RSRC1: variants seen among roughly 807,000 people sequenced by gnomAD.
RSRC1 encodes the protein serine/Arginine-related protein 53.
RSRC1 carries 39 observed loss-of-function variants against 49.1 expected under a neutral mutation model. The observed-to-expected ratio is 0.79, with a 90% confidence interval of 0.61 to 1.04. The LOEUF is 1.04. RSRC1 is among the 50% of genes least tolerant of loss of function. RSRC1 has a pLI of 0.00. For synonymous variants in RSRC1, 143 were observed against 130.8 expected, an observed-to-expected ratio of 1.09 and a Z score of -0.63; for missense variants, 388 against 402.4, an observed-to-expected ratio of 0.96 and a Z score of 0.31.
chr3:158,194,054 T>TAC (rs10530687), intron 3 of RSRC1, among the ~76,000 whole-genome samples: 3,298 of 144,042 alleles, frequency 0.023, 48 homozygotes, highest in African/African-American at 0.044. Flanking sequence ...ACCCCGTCTA[T>TAC]ACACACACAC....
intron 7 of RSRC1, among the ~76,000 whole-genome samples, chr3:158,501,366 T>A (rs1220890606): frequency 6.6e-6 from 1 of 152,220 alleles, no homozygotes; most frequent in Admixed American, 6.5e-5. Flanking sequence ...CGTATATATC[T>A]GCTAAGTCCA....
chr3:158,478,053 C>T (rs1267308808), intron 7 of RSRC1, among the ~76,000 whole-genome samples: 1 of 150,660 alleles, frequency 6.6e-6, no homozygotes, highest in Non-Finnish European at 1.5e-5. Flanking sequence ...AGTGAAACCC[C>T]CATCTCTAAA....
intron 5 of RSRC1, among the ~76,000 whole-genome samples, chr3:158,344,179 A>T (rs1730419740): frequency 1.3e-5 from 2 of 152,130 alleles, no homozygotes; most frequent in Admixed American, 6.5e-5. Context: ...GAATTGCTTG[A>T]ACCCAGGAGG....
chr3:158,127,764 T>G (rs1417243155), intron 3 of RSRC1, among the ~76,000 whole-genome samples: 3 of 149,406 alleles, frequency 2.0e-5, no homozygotes, highest in Non-Finnish European at 4.4e-5. Flanking sequence ...TGGTTTTTTT[T>G]TTTTTTTTTT....
chr3:158,481,033 A>C (rs1055294375), intron 7 of RSRC1, among the ~76,000 whole-genome samples: 1 of 152,024 alleles, frequency 6.6e-6, no homozygotes, highest in Non-Finnish European at 1.5e-5. Context: ...TTCAGAAATG[A>C]CCTGCAGAAG....
chr3:158,368,650 T>G (rs1238721840), intron 6 of RSRC1, among the ~76,000 whole-genome samples: 1 of 152,222 alleles, frequency 6.6e-6, no homozygotes, highest in Non-Finnish European at 1.5e-5. Flanking sequence ...ACTTCATTAT[T>G]GAAAGACTGA....
At chr3:158,385,106 C>T (rs1344002749) in intron 6 of RSRC1, among the ~76,000 whole-genome samples, 1 of 152,098 alleles carries the variant, frequency 6.6e-6, no homozygotes, top group East Asian at 1.9e-4. Context: ...ACATAGAACA[C>T]TCCGCTATCA....
intron 6 of RSRC1, among the ~76,000 whole-genome samples, chr3:158,376,554 G>A (rs1732386522): frequency 6.6e-6 from 1 of 151,988 alleles, no homozygotes; most frequent in Non-Finnish European, 1.5e-5. Flanking sequence ...AACTAACTTG[G>A]TCCACTAAGC....
chr3:158,120,048 C>G (rs1050861670), intron 1 of RSRC1, among the ~76,000 whole-genome samples: 7 of 152,058 alleles, frequency 4.6e-5, no homozygotes, highest in Non-Finnish European at 7.4e-5. Context: ...TCAGGCTGGT[C>G]TCGAACTCCT....
intron 3 of RSRC1, among the ~76,000 whole-genome samples, chr3:158,138,292 A>G (rs1322173328): frequency 7.9e-5 from 12 of 152,236 alleles, no homozygotes; most frequent in Admixed American, 6.5e-4. Context: ...TCACTGGTAT[A>G]GATAACCAGA....
intron 5 of RSRC1, among the ~76,000 whole-genome samples, chr3:158,353,048 G>A (rs1730961261): frequency 6.6e-6 from 1 of 152,102 alleles, no homozygotes; most frequent in African/African-American, 2.4e-5. Flanking sequence ...ACATAAAGTA[G>A]TCTTTATTGG....
At chr3:158,435,843 T>G (rs959466888) in intron 6 of RSRC1, among the ~76,000 whole-genome samples, 3 of 151,750 alleles carry the variant, frequency 2.0e-5, no homozygotes. Flanking sequence ...CTAGAAGATG[T>G]GTGTTTTATA....
intron 7 of RSRC1, among the ~76,000 whole-genome samples, chr3:158,468,176 G>A (rs530561215): frequency 6.7e-4 from 102 of 152,164 alleles, no homozygotes; most frequent in African/African-American, 2.3e-3. Flanking sequence ...CTCATGATCC[G>A]CCTGCCTCGG....
chr3:158,204,157 C>G (rs1721224290), intron 4 of RSRC1, among the ~76,000 whole-genome samples: 1 of 152,082 alleles, frequency 6.6e-6, no homozygotes, highest in Non-Finnish European at 1.5e-5. Flanking sequence ...ATCCTGAGAT[C>G]TTGATTCTAT....
intron 5 of RSRC1, among the ~76,000 whole-genome samples, chr3:158,306,134 G>A (rs1034614879): frequency 2.0e-5 from 3 of 151,502 alleles, no homozygotes; most frequent in South Asian, 2.1e-4. Flanking sequence ...ACCTTAATAC[G>A]TGTTCATTGT....
intron 3 of RSRC1, among the ~76,000 whole-genome samples, chr3:158,146,576 A>T (rs963709366): frequency 5.3e-5 from 8 of 152,080 alleles, no homozygotes; most frequent in Non-Finnish European, 8.8e-5. Flanking sequence ...TCAGGGATAT[A>T]GGTCTAAAAT....
At chr3:158,538,730 G>A (rs1455286376) in intron 8 of RSRC1, among the ~76,000 whole-genome samples, 3 of 151,896 alleles carry the variant, frequency 2.0e-5, no homozygotes, top group Admixed American at 6.6e-5. Flanking sequence ...AGGAAGTGGT[G>A]CTAACAGGAG....
At chr3:158,222,092 TAGTA>T (rs149139112) in intron 4 of RSRC1, among the ~76,000 whole-genome samples, 3,264 of 151,620 alleles carry the variant, frequency 0.022, 120 homozygotes, top group African/African-American at 0.075. Context: ...TTGTAAATAA[TAGTA>T]AGAGGGGCAG....
At chr3:158,196,015 T>C (rs1490800522) in intron 3 of RSRC1, among the ~76,000 whole-genome samples, 2 of 152,132 alleles carry the variant, frequency 1.3e-5, no homozygotes, top group Non-Finnish European at 2.9e-5. Flanking sequence ...TTTAAAGTAG[T>C]TTTTTTCAAT....
Sources: gnomAD v4.1 joint callset for allele counts (sites outside exome capture counted in the v4.1 genomes callset) on GRCh38, gnomAD v4.1.1 for gene constraint, MANE v1.5 for transcripts, NCBI Gene and HGNC (gene_info 2026-07-23, HGNC 2026-07-21) for gene names.